The following RGPD2 variants were observed in gnomAD, a reference collection of about 807,000 sequenced individuals.
RGPD2 encodes the protein RANBP2-like and GRIP domain-containing protein 2.
RGPD2 carries 2 observed loss-of-function variants against 36.0 expected under a neutral mutation model. The observed-to-expected ratio is 0.06, with a 90% confidence interval of 0.02 to 0.17. RGPD2 has a LOEUF of 0.17. Ranked by LOEUF, RGPD2 falls within the 10% of genes least tolerant of loss-of-function variation. The probability of loss-of-function intolerance (pLI) is 1.00; values close to 1 mark genes in which losing one functional copy is unlikely to be tolerated. For missense variants in RGPD2, 40 were observed against 464.3 expected, an observed-to-expected ratio of 0.09 and a Z score of 8.40; for synonymous variants, 19 against 163.8, an observed-to-expected ratio of 0.12 and a Z score of 6.75.
the RGPD2 span, among the ~76,000 whole-genome samples, chr2:87,853,035 A>G: frequency 3.9e-5 from 6 of 152,230 alleles, no homozygotes; most frequent in African/African-American, 1.2e-4. Flanking sequence ...CTTAGTAAAT[A>G]CTGGTTGAGT....
chr2:87,876,945 C>A, the RGPD2 span, among the ~76,000 whole-genome samples: 1 of 152,186 alleles, frequency 6.6e-6, no homozygotes, highest in African/African-American at 2.4e-5. Flanking sequence ...GAACATTTTA[C>A]CTTTATATAA....
the RGPD2 span, among the ~76,000 whole-genome samples, chr2:87,870,748 A>T: frequency 6.6e-6 from 1 of 151,912 alleles, no homozygotes; most frequent in East Asian, 2.0e-4. Context: ...ATATAATTCA[A>T]CATACCCACT....
chr2:87,941,093 G>T, the RGPD2 span, among the ~76,000 whole-genome samples: 2 of 151,908 alleles, frequency 1.3e-5, no homozygotes, highest in African/African-American at 4.8e-5. Flanking sequence ...CTGAAAATAT[G>T]AAATAGATGG....
At chr2:87,919,398 A>G in the RGPD2 span, among the ~76,000 whole-genome samples, 1 of 151,898 alleles carries the variant, frequency 6.6e-6, no homozygotes, top group Non-Finnish European at 1.5e-5. Flanking sequence ...AAATTACACT[A>G]TGGGTACATC....
chr2:87,860,620 T>C, the RGPD2 span, among the ~76,000 whole-genome samples: 1 of 151,652 alleles, frequency 6.6e-6, no homozygotes, highest in Non-Finnish European at 1.5e-5. Flanking sequence ...ATTAGGGCAA[T>C]TTTTCTACTG....
chr2:87,809,311 A>T (rs1367290224), intron 6 of RGPD2, among the ~76,000 whole-genome samples: 1 of 151,300 alleles, frequency 6.6e-6, no homozygotes, highest in African/African-American at 2.4e-5. Context: ...TCTCAAAAAA[A>T]AAAAAGATCG....
At chr2:87,916,340 CA>C in the RGPD2 span, among the ~76,000 whole-genome samples, 1 of 134,148 alleles carries the variant, frequency 7.5e-6, no homozygotes, top group African/African-American at 3.1e-5. Flanking sequence ...TCCTTTCAAT[CA>C]TTCAACAAAT....
At chr2:87,952,580 T>C in the RGPD2 span, among the ~76,000 whole-genome samples, 50 of 152,322 alleles carry the variant, frequency 3.3e-4, no homozygotes, top group Admixed American at 2.1e-3. Flanking sequence ...TAAGTATTGG[T>C]CACAATTAGA....
the RGPD2 span, among the ~76,000 whole-genome samples, chr2:87,836,991 G>A: frequency 3.7e-4 from 56 of 151,688 alleles, no homozygotes; most frequent in African/African-American, 9.2e-4. Flanking sequence ...AGAGAAGAGC[G>A]TTACATAATG....
At chr2:87,979,188 C>T in the RGPD2 span, among the ~76,000 whole-genome samples, 69 of 150,182 alleles carry the variant, frequency 4.6e-4, no homozygotes, top group Non-Finnish European at 7.7e-4. Context: ...GAGCCGAGAT[C>T]GTGCCACTGC....
At chr2:87,825,821 T>A (rs893418012), upstream of RGPD2, 1 of 1,441,982 alleles carries the variant, frequency 6.9e-7, no homozygotes, top group Non-Finnish European at 9.3e-7. Flanking sequence ...TGAAAGCCAC[T>A]GACGTAGCCG....
chr2:87,852,771 C>A, the RGPD2 span, among the ~76,000 whole-genome samples: 2 of 152,296 alleles, frequency 1.3e-5, no homozygotes, highest in African/African-American at 4.8e-5. Flanking sequence ...GATGGCATGT[C>A]ACCTTATTAT....
At chr2:87,973,272 C>A in the RGPD2 span, among the ~76,000 whole-genome samples, 1 of 148,578 alleles carries the variant, frequency 6.7e-6, no homozygotes, top group African/African-American at 2.5e-5. Context: ...CCACACCCCC[C>A]TCCTGCCGCT....
At chr2:87,861,738 C>T in the RGPD2 span, among the ~76,000 whole-genome samples, 1 of 147,532 alleles carries the variant, frequency 6.8e-6, no homozygotes, top group East Asian at 2.0e-4. Context: ...ATATAGCTAC[C>T]ATCTTTGCTT....
At chr2:87,824,664 TG>T (rs1253492530) in intron 1 of RGPD2, among the ~76,000 whole-genome samples, 1 of 144,674 alleles carries the variant, frequency 6.9e-6, no homozygotes, top group Admixed American at 6.8e-5. Context: ...ACTTTAAATT[TG>T]GGGGAAAAAA....
chr2:87,882,863 T>C, the RGPD2 span, among the ~76,000 whole-genome samples: 1 of 152,058 alleles, frequency 6.6e-6, no homozygotes, highest in African/African-American at 2.4e-5. Context: ...TAACACTGTT[T>C]TTTAAATTTT....
chr2:87,864,444 C>T, the RGPD2 span, among the ~76,000 whole-genome samples: 1 of 152,352 alleles, frequency 6.6e-6, no homozygotes, highest in African/African-American at 2.4e-5. Flanking sequence ...GGCCTTTGGA[C>T]TTGGACTGAA....
the RGPD2 span, among the ~76,000 whole-genome samples, chr2:87,880,198 C>T: frequency 6.6e-6 from 1 of 151,666 alleles, no homozygotes; most frequent in East Asian, 1.9e-4. Flanking sequence ...GTTAATTGTA[C>T]ATTTTGGATA....
the RGPD2 span, among the ~76,000 whole-genome samples, chr2:87,961,439 G>C: frequency 6.6e-6 from 1 of 151,846 alleles, no homozygotes; most frequent in East Asian, 2.0e-4. Flanking sequence ...CGTGGCTCAC[G>C]CCTGTAATCC....
Sources: allele counts gnomAD v4.1 joint callset (sites outside exome capture counted in the v4.1 genomes callset), GRCh38; gene constraint gnomAD v4.1.1; transcripts MANE v1.5; gene names NCBI Gene and HGNC (gene_info 2026-07-23, HGNC 2026-07-21).